SPTBN1: variants seen among roughly 807,000 people sequenced by gnomAD.
SPTBN1 encodes the protein spectrin beta, non-erythrocytic 1.
Under a neutral mutation model 266.4 loss-of-function variants are expected in SPTBN1, and 32 were observed. The observed-to-expected ratio is 0.12, with a 90% CI of 0.09 to 0.16. SPTBN1 has a LOEUF of 0.16. Among genes scored for constraint, SPTBN1 ranks in the 10% least tolerant of loss-of-function variants. The pLI, the probability that SPTBN1 is intolerant of heterozygous loss-of-function variation, is 1.00. For synonymous variants in SPTBN1, 1,336 were observed against 1,162.2 expected, an observed-to-expected ratio of 1.15 and a Z score of -3.04; for missense variants, 2,296 against 3,067.1, an observed-to-expected ratio of 0.75 and a Z score of 5.94.
At chr2:54,468,240 G>A (rs1298929184) in intron 1 of SPTBN1, among the ~76,000 whole-genome samples, 2 of 152,062 alleles carry the variant, frequency 1.3e-5, no homozygotes, top group African/African-American at 4.8e-5. Context: ...CCAGGAGGTG[G>A]AGGTTGCAGT....
intron 1 of SPTBN1, among the ~76,000 whole-genome samples, chr2:54,458,641 G>A (rs1693197274): frequency 6.6e-6 from 1 of 152,182 alleles, no homozygotes; most frequent in Non-Finnish European, 1.5e-5. Flanking sequence ...AGAAGGAGAT[G>A]GTTCCCAGTG....
At chr2:54,667,571 A>G (rs1225607120) in intron 34 of SPTBN1, 33 bp from the exon 35 acceptor site, 1 of 1,605,960 alleles carries the variant, frequency 6.2e-7, no homozygotes, top group Admixed American at 1.7e-5. Context: ...TCTGTAATTA[A>G]GTGGTGACTA....
intron 3 of SPTBN1, among the ~76,000 whole-genome samples, chr2:54,611,442 A>G (rs1677205131): frequency 6.6e-6 from 1 of 152,108 alleles, no homozygotes; most frequent in African/African-American, 2.4e-5. Flanking sequence ...TAGTAGATGT[A>G]TATATACACA....
chr2:54,498,512 A>G (rs1480594868), intron 1 of SPTBN1, among the ~76,000 whole-genome samples: 1 of 152,154 alleles, frequency 6.6e-6, no homozygotes, highest in African/African-American at 2.4e-5. Flanking sequence ...GTAAAGTGAT[A>G]AAAAGATAAT....
chr2:54,628,837 C>A lies in SPTBN1; in HGVS notation c.1799-96C>A. On this transcript the variant is annotated intron_variant, in intron 13 of 35. Coordinates refer to ENST00000356805, the MANE Select transcript of SPTBN1 (RefSeq NM_003128.3). This position sits in a 1 kb window ranked among gnomAD's most constrained non-coding sequence, Gnocchi z 4.3. ...TTACATTTAGCAGTGAGCTGGTAAT[C>A]ATAAGAATATGGGGTGTAGCTTACT... 2.1e-6 allele frequency: 3 copies of A among 1,458,090 alleles called. No homozygotes were observed. The highest frequency in any genetic ancestry group is 2.8e-5 in the South Asian group (2 of 72,634). 90.3% of individuals were successfully genotyped at this position (1,458,090 alleles called of 1,614,324 possible).
chr2:54,629,290 T>C lies in SPTBN1; in HGVS notation c.2156T>C (p.Ile719Thr). ...HFGSEKIRERIIYIREQWANL... is the reference protein window; with the variant it reads ...HFGSEKIRERTIYIREQWANL... ...GGGTCGGAGAAGATCCGTGAGAGGATCATTTACATCCGGGAGCAGTGGGCC... is the reference window on the plus strand; with the variant it reads ...GGGTCGGAGAAGATCCGTGAGAGGACCATTTACATCCGGGAGCAGTGGGCC... Residue 719 changes from isoleucine to threonine, a missense_variant, in exon 14 of 36, where the codon ATC (isoleucine) becomes ACC (threonine). Ile to Thr is a moderately conservative substitution (Grantham distance 89). Transcript: ENST00000356805. 6.2e-7 allele frequency: 1 copy of C among 1,613,982 alleles called. No individual in the cohort carries two copies. Among genetic ancestry groups the C allele is most frequent in the Admixed American group, 1.7e-5 (1 of 60,020 alleles).
rs1181161162 is a variant in SPTBN1 at position 54,649,795 on chromosome 2, G to C, written c.5383G>C (p.Asp1795His). Reference sequence around the variant, plus strand: ...CTGGGCCGACCTCCTGGAGCTCATTGACACAAGAACACAGATTCTTGCCGC... The same window carrying C: ...CTGGGCCGACCTCCTGGAGCTCATTCACACAAGAACACAGATTCTTGCCGC... ...EAWADLLELIDTRTQILAASY... is the reference protein window; with the variant it reads ...EAWADLLELIHTRTQILAASY... Residue 1795 changes from aspartate to histidine, a missense_variant, in exon 26 of 36, where the codon GAC (aspartate) becomes CAC (histidine). Asp to His is a moderately conservative substitution (Grantham distance 81). This residue lies in a region of SPTBN1 where 644 missense variants were observed against 745.3 expected (regional missense o/e 0.86). Coordinates refer to ENST00000356805, the MANE Select transcript of SPTBN1 (RefSeq NM_003128.3). The surrounding 1 kb of genome is among the most constrained non-coding windows in gnomAD (Gnocchi z 6.7). 5.0e-6 allele frequency: 8 copies of C among 1,614,074 alleles called. No individual in the cohort carries two copies. Among genetic ancestry groups the C allele is most frequent in the East Asian group, 2.2e-5 (1 of 44,902 alleles).
chr2:54,581,127 A>T (rs79908175), intron 2 of SPTBN1, among the ~76,000 whole-genome samples: 5,878 of 152,116 alleles, frequency 0.039, 150 homozygotes, highest in Admixed American at 0.087. Context: ...ATAAATATAT[A>T]CACACACACT....
chr2:54,655,950 A>C lies in SPTBN1; in HGVS notation c.5998A>C (p.Lys2000Gln). The change falls in exon 29 of 36, where the codon AAA becomes CAA. Residue 2000 changes from lysine (K) to glutamine (Q), a missense_variant. By Grantham distance (53) the Lys-to-Gln change is moderately conservative. Around this residue, in one of 12 missense-constraint regions of SPTBN1, gnomAD observed 644 missense variants for 745.3 expected, o/e 0.86. Coordinates refer to ENST00000356805, the MANE Select transcript of SPTBN1 (RefSeq NM_003128.3). The stretch of plus-strand genomic sequence containing the variant: ...ATTACTGCAGTTGACGGAAAAGAGG[A>C]AAGAAATGATCGACAAGTGGGAAGA... ...EKLLQLTEKR[K>Q]EMIDKWEDRW... 6.2e-7 allele frequency: 1 copy of C among 1,613,638 alleles called. No individual in the cohort carries two copies. Among genetic ancestry groups the C allele is most frequent in the Non-Finnish European group, 8.5e-7 (1 of 1,179,632 alleles).
Position 54,631,507 on chromosome 2 carries a change from C to T in SPTBN1, c.3460C>T (p.Leu1154Phe). The T allele has an allele frequency of 6.2e-7, 1 of 1,614,228 alleles. No homozygotes were observed. The highest frequency in any genetic ancestry group is 2.2e-5 in the East Asian group (1 of 44,880). ...GGCCCTGGACACTGGATGGAACGAG[C>T]TCCACAAGATGTGGGAGAACAGACA... ...LQALDTGWNE[L>F]HKMWENRQNL... is the part of the protein sequence containing the mutation. The change falls in exon 16 of 36, where the codon CTC becomes TTC. Residue 1154 changes from leucine to phenylalanine, a missense_variant. Physicochemically the swap from Leu to Phe is conservative, Grantham distance 22. Around this residue, in one of 12 missense-constraint regions of SPTBN1, gnomAD observed 386 missense variants for 486.1 expected, o/e 0.79. Coordinates refer to ENST00000356805, the MANE Select transcript of SPTBN1 (RefSeq NM_003128.3).
intron 2 of SPTBN1, among the ~76,000 whole-genome samples, chr2:54,598,866 T>C (rs1676281903): frequency 6.6e-6 from 1 of 152,194 alleles, no homozygotes; most frequent in South Asian, 2.1e-4. Context: ...TATGAGATTA[T>C]ATCCCAGTAA....
rs1180783129 is a variant in SPTBN1 at position 54,485,721 on chromosome 2, G to C, written c.-48+29203G>C. ...GGAAAGTGAGGAGCGTCTCTGCCCG[G>C]CCGCCATCCCATCTAGGAAGTGAGG... On this transcript the variant is annotated intron_variant, in intron 1 of 35. Transcript: ENST00000356805. 2.0e-5 allele frequency among the ~76,000 whole-genome samples: 3 copies of C among 151,530 alleles called. No homozygotes were observed. The East Asian group carries it at 5.9e-4, about 30-fold the overall frequency.
At chr2:54,613,293 C>G (rs967628196) in intron 4 of SPTBN1, among the ~76,000 whole-genome samples, 7 of 118,430 alleles carry the variant, frequency 5.9e-5, no homozygotes, top group African/African-American at 1.1e-4. Context: ...CCTGTTCTGC[C>G]CCTTTAATAA....
intron 2 of SPTBN1, among the ~76,000 whole-genome samples, chr2:54,547,261 G>T (rs532864773): frequency 6.6e-6 from 1 of 152,204 alleles, no homozygotes; most frequent in South Asian, 2.1e-4. Context: ...TTAACATGAT[G>T]TCCTCAAGCT....
At chr2:54,584,856 A>G (rs772468476) in intron 2 of SPTBN1, among the ~76,000 whole-genome samples, 16 of 152,194 alleles carry the variant, frequency 1.1e-4, no homozygotes, top group Non-Finnish European at 2.1e-4. Flanking sequence ...TGACAAAACT[A>G]CAAACAGCCA....
In SPTBN1 at chr2:54,668,708, A is replaced by T. The variant is rs1572793649; in HGVS notation, c.*139A>T. 665 of 536,694 alleles carry T rather than the reference A, an allele frequency of 1.2e-3. No homozygotes were observed. Among genetic ancestry groups the T allele is most frequent in the South Asian group, 2.4e-3 (104 of 43,148 alleles). The allele number at this position is 536,694 out of a possible 1,614,324, so 33.2% of individuals were successfully genotyped here. A position where few individuals can be genotyped will look rare whatever the true frequency, so the allele number is the denominator to read the frequency against. On this transcript the variant is annotated 3_prime_UTR_variant, in exon 36 of 36. Transcript: ENST00000356805. ...TTTTTTTTTTTTTAATTTATAGAGC[A>T]TTTCGGGGGGGGTGGGGGAAACACA...
At chr2:54,494,014 T>A (rs1668831383) in intron 1 of SPTBN1, among the ~76,000 whole-genome samples, 1 of 152,178 alleles carries the variant, frequency 6.6e-6, no homozygotes, top group South Asian at 2.1e-4. Context: ...TCATGCTCTT[T>A]CTCATAAATG....
chr2:54,546,395 G>C (rs1672239484), intron 2 of SPTBN1: 1 of 152,176 alleles, frequency 6.6e-6, no homozygotes, highest in South Asian at 2.1e-4. Context: ...ATCTGTTAAA[G>C]TGATCTGTAT....
At position 54,646,996 on chromosome 2, in the gene SPTBN1, T is replaced by C; in HGVS notation, c.4867-135T>C. On this transcript the variant is annotated intron_variant, in intron 23 of 35. Transcript: ENST00000356805. This position sits in a 1 kb window ranked among gnomAD's most constrained non-coding sequence, Gnocchi z 4.4. ...CTCTTGGAACACTTCTGTGTTCCACTGTCCGTACTGCACCTCTGGAGTTTT... is the reference window on the plus strand; with the variant it reads ...CTCTTGGAACACTTCTGTGTTCCACCGTCCGTACTGCACCTCTGGAGTTTT... 7.8e-7 allele frequency: 1 copy of C among 1,278,486 alleles called. No homozygotes were observed. Among genetic ancestry groups the C allele is most frequent in the South Asian group, 1.5e-5 (1 of 68,602 alleles). 79.2% of individuals were successfully genotyped at this position (1,278,486 alleles called of 1,614,324 possible). A position where few individuals can be genotyped will look rare whatever the true frequency, so the allele number is the denominator to read the frequency against.
Sources: allele counts gnomAD v4.1 joint callset (sites outside exome capture counted in the v4.1 genomes callset), GRCh38; gene constraint gnomAD v4.1.1; regional missense constraint gnomAD v4.1.1; non-coding constraint Gnocchi (gnomAD v3.1); transcripts MANE v1.5; gene names NCBI Gene and HGNC (gene_info 2026-07-23, HGNC 2026-07-21).